Variants in LRP1B observed in about 807,000 individuals in gnomAD.
The protein encoded by LRP1B is LDL receptor related protein 1B, also known as low-density lipoprotein receptor-related protein 1B.
LRP1B carries 217 observed loss-of-function variants against 556.6 expected under a neutral mutation model. The observed-to-expected ratio is 0.39, with a 90% confidence interval of 0.35 to 0.44. LRP1B has a LOEUF of 0.44. Among genes scored for constraint, LRP1B ranks in the 20% least tolerant of loss-of-function variants. The probability of loss-of-function intolerance (pLI) is 1.00; values close to 1 mark genes in which losing one functional copy is unlikely to be tolerated. For missense variants in LRP1B, 5,053 were observed against 5,620.8 expected, an observed-to-expected ratio of 0.90 and a Z score of 3.23; for synonymous variants, 2,047 against 1,865.8, an observed-to-expected ratio of 1.10 and a Z score of -2.50.
intron 3 of LRP1B, among the ~76,000 whole-genome samples, chr2:141,364,449 T>C (rs1406301138): frequency 6.6e-6 from 1 of 152,056 alleles, no homozygotes. Flanking sequence ...TGTGAAAACA[T>C]CTCATTGTAC....
At chr2:142,074,183 C>G (rs1184646513) in intron 1 of LRP1B, among the ~76,000 whole-genome samples, 1 of 151,878 alleles carries the variant, frequency 6.6e-6, no homozygotes, top group Non-Finnish European at 1.5e-5. Context: ...ATTTGTTGCC[C>G]TACCAATTCG....
chr2:141,866,994 G>A lies in LRP1B; in HGVS notation c.83-56593C>T, dbSNP rs151217525. 6.6e-5 allele frequency among the ~76,000 whole-genome samples: 10 copies of A among 152,204 alleles called. No individual in the cohort carries two copies. The East Asian group carries it at 1.4e-3, about 21-fold the overall frequency. On this transcript the variant is annotated intron_variant, in intron 1 of 90. Transcript: ENST00000389484. ...GGAGTGGATGACGTATCTGGAAGTA[G>A]GTTTCTTTGGACCTTCCATTAGTCT...
chr2:141,021,537 G>A (rs1408610076), intron 11 of LRP1B, among the ~76,000 whole-genome samples: 1 of 151,872 alleles, frequency 6.6e-6, no homozygotes, highest in Non-Finnish European at 1.5e-5. Context: ...TCCTATTCTG[G>A]TATAATGGAA....
chr2:141,331,195 C>T (rs2714185), intron 3 of LRP1B, among the ~76,000 whole-genome samples: 89,627 of 151,986 alleles, frequency 0.59, 27,499 homozygotes, highest in African/African-American at 0.71. Context: ...TCCTTACCTA[C>T]TGTCAGTCAA....
intron 31 of LRP1B, among the ~76,000 whole-genome samples, chr2:140,837,223 A>G (rs1691937152): frequency 6.6e-6 from 1 of 152,186 alleles, no homozygotes; most frequent in Admixed American, 6.5e-5. Context: ...TCTTGATTAT[A>G]TGAGTAAGGA....
At chr2:140,380,678 T>A (rs1218787741) in intron 67 of LRP1B, among the ~76,000 whole-genome samples, 5 of 152,176 alleles carry the variant, frequency 3.3e-5, no homozygotes, top group Non-Finnish European at 7.3e-5. Flanking sequence ...TAATTCTTCC[T>A]CTAATGTTCT....
intron 18 of LRP1B, among the ~76,000 whole-genome samples, chr2:140,979,405 A>G (rs910861870): frequency 6.6e-6 from 1 of 152,234 alleles, no homozygotes; most frequent in Non-Finnish European, 1.5e-5. Flanking sequence ...CAAAGGTAAT[A>G]TATACCTGAG....
intron 3 of LRP1B, among the ~76,000 whole-genome samples, chr2:141,476,960 C>T (rs1054829324): frequency 2.6e-5 from 4 of 151,864 alleles, no homozygotes; most frequent in African/African-American, 7.3e-5. Context: ...TCCATTTCTA[C>T]CAAAAGTACA....
chr2:140,555,631 T>C (rs978329621), intron 43 of LRP1B, among the ~76,000 whole-genome samples: 4 of 152,134 alleles, frequency 2.6e-5, no homozygotes, highest in Admixed American at 2.0e-4. Context: ...AAATAAGCTT[T>C]AAAATCTTAA....
At chr2:140,234,959 A>G (rs963555073) in intron 89 of LRP1B, 75 bp from the exon 90 acceptor site, 1 of 661,810 alleles carries the variant, frequency 1.5e-6, no homozygotes, top group South Asian at 1.8e-5. Context: ...TATCATGTTA[A>G]TTCATAAAAA....
chr2:141,586,807 T>A (rs909358586), intron 2 of LRP1B, among the ~76,000 whole-genome samples: 1 of 151,958 alleles, frequency 6.6e-6, no homozygotes, highest in African/African-American at 2.4e-5. Flanking sequence ...CCGGGCATGG[T>A]GGCGGGCGCC....
chr2:141,010,164 A>G (rs1697699930), intron 14 of LRP1B, among the ~76,000 whole-genome samples: 1 of 152,058 alleles, frequency 6.6e-6, no homozygotes, highest in African/African-American at 2.4e-5. Context: ...CCCTTATTAA[A>G]ATATTACTTA....
At chr2:141,189,231 A>C (rs1342312620) in intron 6 of LRP1B, among the ~76,000 whole-genome samples, 1 of 152,024 alleles carries the variant, frequency 6.6e-6, no homozygotes, top group African/African-American at 2.4e-5. Context: ...TGAGAAAAGA[A>C]AAATAGCTAA....
At chr2:141,555,150 A>G (rs1298558730) in intron 2 of LRP1B, among the ~76,000 whole-genome samples, 1 of 152,060 alleles carries the variant, frequency 6.6e-6, no homozygotes, top group East Asian at 1.9e-4. Flanking sequence ...AGATGCACAC[A>G]TTTTCTCTGC....
At chr2:141,168,402 C>G (rs1680357607) in intron 7 of LRP1B, among the ~76,000 whole-genome samples, 1 of 152,020 alleles carries the variant, frequency 6.6e-6, no homozygotes, top group Non-Finnish European at 1.5e-5. Flanking sequence ...GTGAAGTGCA[C>G]TGTGCAAGAC....
chr2:140,365,811 A>G (rs931959211), intron 71 of LRP1B, among the ~76,000 whole-genome samples: 9 of 151,656 alleles, frequency 5.9e-5, no homozygotes, highest in African/African-American at 2.2e-4. Context: ...TGACTTACTG[A>G]AGGTATTAAC....
At chr2:141,927,783 T>C (rs759879246) in intron 1 of LRP1B, among the ~76,000 whole-genome samples, 1 of 151,810 alleles carries the variant, frequency 6.6e-6, no homozygotes, top group Non-Finnish European at 1.5e-5. Flanking sequence ...TCTTGAGTTT[T>C]ACTTGCTAAC....
chr2:141,349,558 C>T (rs758503566), intron 3 of LRP1B, among the ~76,000 whole-genome samples: 18 of 152,050 alleles, frequency 1.2e-4, no homozygotes, highest in African/African-American at 2.2e-4. Context: ...TCCCCTAAAT[C>T]GAAACAACTA....
At chr2:141,139,426 G>GA (rs199914861) in intron 7 of LRP1B, among the ~76,000 whole-genome samples, 3 of 151,234 alleles carry the variant, frequency 2.0e-5, no homozygotes, top group East Asian at 1.9e-4. Flanking sequence ...CACAGATTGG[G>GA]AAAAAAATCT....
Sources: allele counts gnomAD v4.1 joint callset (sites outside exome capture counted in the v4.1 genomes callset), GRCh38; gene constraint gnomAD v4.1.1; transcripts MANE v1.5; gene names NCBI Gene and HGNC (gene_info 2026-07-23, HGNC 2026-07-21).